Variants in SIPA1L1 observed in about 807,000 individuals in gnomAD.
SIPA1L1 encodes the protein signal-induced proliferation-associated 1-like protein 1.
A neutral mutation model predicts 162.7 loss-of-function variants in SIPA1L1; 26 were observed. The observed-to-expected ratio is 0.16, with a 90% confidence interval of 0.12 to 0.22. The LOEUF is 0.22. SIPA1L1 is among the 10% of genes least tolerant of loss of function. SIPA1L1 has a pLI of 1.00. For missense variants in SIPA1L1, 1,874 were observed against 2,241.0 expected, an observed-to-expected ratio of 0.84 and a Z score of 3.31; for synonymous variants, 829 against 837.4, an observed-to-expected ratio of 0.99 and a Z score of 0.17.
At chr14:71,593,696 C>T (rs1182670137) in intron 5 of SIPA1L1, among the ~76,000 whole-genome samples, 3 of 152,048 alleles carry the variant, frequency 2.0e-5, no homozygotes, top group East Asian at 1.9e-4. Flanking sequence ...AATTTTGCAC[C>T]GAGTGTATAA....
At chr14:71,603,680 T>C (rs367579596) in intron 5 of SIPA1L1, among the ~76,000 whole-genome samples, 15 of 152,050 alleles carry the variant, frequency 9.9e-5, no homozygotes, top group Non-Finnish European at 1.8e-4. Flanking sequence ...CCCAGCACTT[T>C]GGGAGGCCGA....
At position 71,671,745 on chromosome 14, in the gene SIPA1L1, C is replaced by T. The variant is rs563392299; in HGVS notation, c.2829+53C>T. ...TGCAGTTTCTCTTTCATAAAGTTTT[C>T]AATACAGACTAGAGCCAAGTTACTG... On this transcript the variant is annotated intron_variant, in intron 11 of 23. Coordinates refer to ENST00000381232, the MANE Select transcript of SIPA1L1 (RefSeq NM_001386936.1). 48 of 1,391,724 alleles carry T rather than the reference C, an allele frequency of 3.4e-5. 1 individual carries two copies. In the South Asian group the frequency reaches 4.8e-4, roughly 14 times the overall value. 86.2% of individuals were successfully genotyped at this position (1,391,724 alleles called of 1,614,324 possible). A position where few individuals can be genotyped will look rare whatever the true frequency, so the allele number is the denominator to read the frequency against.
At chr14:71,721,801 ACTT>A (rs1297179756) in intron 17 of SIPA1L1, among the ~76,000 whole-genome samples, 2 of 152,126 alleles carry the variant, frequency 1.3e-5, no homozygotes, top group Non-Finnish European at 2.9e-5. Context: ...CCCCAAGTCC[ACTT>A]CTTCTTAAAC....
At chr14:71,610,595 T>TA (rs1281104272) in intron 5 of SIPA1L1, among the ~76,000 whole-genome samples, 4 of 152,192 alleles carry the variant, frequency 2.6e-5, no homozygotes, top group African/African-American at 9.6e-5. Context: ...TAGCAACCAA[T>TA]AAAAAATCTC....
At chr14:71,575,994 G>A (rs191315692) in intron 4 of SIPA1L1, among the ~76,000 whole-genome samples, 64 of 152,322 alleles carry the variant, frequency 4.2e-4, no homozygotes, top group African/African-American at 1.4e-3. Context: ...GATTACAATA[G>A]AAGTTCTGAT....
At chr14:71,420,444 GT>G (rs1289264365) in intron 2 of SIPA1L1, among the ~76,000 whole-genome samples, 1 of 152,160 alleles carries the variant, frequency 6.6e-6, no homozygotes, top group Non-Finnish European at 1.5e-5. Context: ...GTAACATTTG[GT>G]TTTTTAGGTA....
At chr14:71,502,668 T>G (rs1265575565) in intron 2 of SIPA1L1, among the ~76,000 whole-genome samples, 1 of 152,160 alleles carries the variant, frequency 6.6e-6, no homozygotes, top group Admixed American at 6.5e-5. Flanking sequence ...TAAAATACTC[T>G]TATTCCTAGT....
chr14:71,519,275 G>A (rs1047413891), intron 3 of SIPA1L1, among the ~76,000 whole-genome samples: 1 of 151,908 alleles, frequency 6.6e-6, no homozygotes, highest in Non-Finnish European at 1.5e-5. Flanking sequence ...CTTCAGCCTG[G>A]GCAACAGAGT....
chr14:71,588,638 G>T lies in SIPA1L1; in HGVS notation c.766G>T (p.Gly256Cys). The T allele has an allele frequency of 1.2e-6, 2 of 1,614,036 alleles. No individual in the cohort carries two copies. Among genetic ancestry groups the T allele is most frequent in the Non-Finnish European group, 1.7e-6 (2 of 1,179,982 alleles). The stretch of plus-strand genomic sequence containing the variant: ...CATTACTGGTGGTGGCAAGGGTTCT[G>T]GTTTCTCTTTGGATGTAATAGACGG... ...FLITGGGKGS[G>C]FSLDVIDGPI... Residue 256 changes from glycine to cysteine, a missense_variant, in exon 5 of 24, where the codon GGT (glycine) becomes TGT (cysteine). By Grantham distance (159) the Gly-to-Cys change is radical. Transcript: ENST00000381232. This position sits in a 1 kb window ranked among gnomAD's most constrained non-coding sequence, Gnocchi z 4.3.
At chr14:71,700,196 C>T (rs1046046062) in intron 14 of SIPA1L1, among the ~76,000 whole-genome samples, 1 of 151,492 alleles carries the variant, frequency 6.6e-6, no homozygotes, top group South Asian at 2.1e-4. Flanking sequence ...AAATGTCCAG[C>T]TTTAAGTTCA....
chr14:71,391,326 C>T (rs577191998), intron 2 of SIPA1L1, among the ~76,000 whole-genome samples: 1 of 152,154 alleles, frequency 6.6e-6, no homozygotes, highest in African/African-American at 2.4e-5. Flanking sequence ...AGGATGGTCT[C>T]GATCTCTTGA....
Position 71,395,978 on chromosome 14 carries a change from T to G in SIPA1L1, c.-465+74797T>G, listed in dbSNP as rs370381912. The stretch of plus-strand genomic sequence containing the variant: ...TGAAACTTGGCTTCCCATCCAGGTC[T>G]GATGATGGAGCTCATGCCTTTTACA... On this transcript the variant is annotated intron_variant, in intron 2 of 23. Transcript: ENST00000381232. Among the ~76,000 whole-genome samples, 54 of 152,314 alleles carry G rather than the reference T, an allele frequency of 3.5e-4. 1 individual carries two copies. The East Asian group carries it at 9.1e-3, about 26-fold the overall frequency.
At chr14:71,464,418 G>A (rs564176139) in intron 2 of SIPA1L1, among the ~76,000 whole-genome samples, 107 of 152,202 alleles carry the variant, frequency 7.0e-4, no homozygotes, top group Middle Eastern at 3.4e-3. Context: ...CGAGGTGGGC[G>A]GATCACAAGA....
intron 2 of SIPA1L1, among the ~76,000 whole-genome samples, chr14:71,469,513 G>A (rs1217787886): frequency 6.6e-6 from 1 of 152,172 alleles, no homozygotes; most frequent in African/African-American, 2.4e-5. Context: ...AATCAAAGCA[G>A]TATAGAGCTG....
At chr14:71,611,419 T>C (rs2038194463) in intron 5 of SIPA1L1, among the ~76,000 whole-genome samples, 3 of 151,756 alleles carry the variant, frequency 2.0e-5, no homozygotes, top group African/African-American at 7.2e-5. Flanking sequence ...TGTTATGTTA[T>C]GTTCTAGGAT....
At chr14:71,379,369 T>C (rs2039692756) in intron 2 of SIPA1L1, 1 of 152,044 alleles carries the variant, frequency 6.6e-6, no homozygotes, top group African/African-American at 2.4e-5. Flanking sequence ...AGTGGCCTGA[T>C]CATTGCTCAC....
intron 2 of SIPA1L1, among the ~76,000 whole-genome samples, chr14:71,421,178 T>C (rs561309666): frequency 3.9e-5 from 6 of 152,264 alleles, no homozygotes; most frequent in Non-Finnish European, 8.8e-5. Flanking sequence ...CTACTTTTTA[T>C]ACTTAACGAT....
Position 71,672,514 on chromosome 14 carries a change from A to G in SIPA1L1, c.2996A>G (p.Lys999Arg), listed in dbSNP as rs757761921. The change falls in exon 12 of 24, where the codon AAG becomes AGG. Residue 999 changes from lysine (K) to arginine (R), a missense_variant. By Grantham distance (26) the Lys-to-Arg change is conservative. Coordinates refer to ENST00000381232, the MANE Select transcript of SIPA1L1 (RefSeq NM_001386936.1). ...GGCAGTCGCCTGGTGGAGATCTGCAAGGTGGCGGTAGCCACTCTGAGCCAT... is the reference window on the plus strand; with the variant it reads ...GGCAGTCGCCTGGTGGAGATCTGCAGGGTGGCGGTAGCCACTCTGAGCCAT... ...RQGSRLVEICKVAVATLSHEQ... is the reference protein window; with the variant it reads ...RQGSRLVEICRVAVATLSHEQ... 1.6e-5 allele frequency: 26 copies of G among 1,613,830 alleles called. No homozygotes were observed. The South Asian group carries it at 2.6e-4, about 16-fold the overall frequency.
intron 3 of SIPA1L1, among the ~76,000 whole-genome samples, chr14:71,519,059 G>T (rs529497770): frequency 3.3e-4 from 50 of 152,194 alleles, no homozygotes; most frequent in African/African-American, 1.2e-3. Context: ...CACAACACGT[G>T]GAATTCTGGG....
Sources: allele counts gnomAD v4.1 joint callset (sites outside exome capture counted in the v4.1 genomes callset), GRCh38; gene constraint gnomAD v4.1.1; non-coding constraint Gnocchi (gnomAD v3.1); transcripts MANE v1.5; gene names NCBI Gene and HGNC (gene_info 2026-07-23, HGNC 2026-07-21).